PDE4D: variants seen among roughly 807,000 people sequenced by gnomAD.
PDE4D encodes the protein phosphodiesterase 4D.
In PDE4D, 24 loss-of-function variants were observed where a neutral mutation model predicts 87.4. That is an observed-to-expected ratio of 0.27 (90% CI 0.20 to 0.39). PDE4D has a LOEUF of 0.39. PDE4D is among the 10% of genes least tolerant of loss of function. PDE4D has a pLI of 1.00. For synonymous variants in PDE4D, 384 were observed against 383.2 expected (o/e 1.00, Z -0.02); for missense variants, 714 against 1,041.0 (o/e 0.69, Z 4.32).
intron 1 of PDE4D, among the ~76,000 whole-genome samples, chr5:60,378,593 C>T (rs1189126617): frequency 6.6e-6 from 1 of 152,034 alleles, no homozygotes; most frequent in African/African-American, 2.4e-5. Flanking sequence ...GTGGCTCATA[C>T]CTGTAATCCC....
At chr5:59,397,173 A>G (rs1789584598) in intron 1 of PDE4D, among the ~76,000 whole-genome samples, 1 of 117,166 alleles carries the variant, frequency 8.5e-6, no homozygotes, top group South Asian at 3.0e-4. Context: ...CAGATCAACG[A>G]GACAGAAAGT....
chr5:58,974,638 A>C lies in PDE4D; in HGVS notation c.*26T>G, dbSNP rs1322710947. 1 of 1,513,860 alleles carries C rather than the reference A, an allele frequency of 6.6e-7. No individual in the cohort carries two copies. Among genetic ancestry groups the C allele is most frequent in the Admixed American group, 2.2e-5 (1 of 44,884 alleles). 93.8% of individuals were successfully genotyped at this position (1,513,860 alleles called of 1,614,324 possible). A position where few individuals can be genotyped will look rare whatever the true frequency, so the allele number is the denominator to read the frequency against. On this transcript the variant is annotated 3_prime_UTR_variant, in exon 15 of 15. Coordinates refer to ENST00000340635, the MANE Select transcript of PDE4D (RefSeq NM_001104631.2). ...GAAACAATTTTTCTACTTAAAAAAA[A>C]AAAAGGCATGAAAGTTTTTGCACTG...
At chr5:59,159,887 T>C (rs1247499611) in intron 5 of PDE4D, among the ~76,000 whole-genome samples, 1 of 151,832 alleles carries the variant, frequency 6.6e-6, no homozygotes, top group Non-Finnish European at 1.5e-5. Flanking sequence ...CCAGACAATA[T>C]GGGACAGCAG....
chr5:60,476,062 C>G (rs879545894), intron 1 of PDE4D, among the ~76,000 whole-genome samples: 1 of 152,090 alleles, frequency 6.6e-6, no homozygotes, highest in Non-Finnish European at 1.5e-5. Context: ...AGATATAACC[C>G]TAGAGATTTT....
At chr5:60,343,061 A>G (rs1008815885) in intron 1 of PDE4D, among the ~76,000 whole-genome samples, 1 of 152,190 alleles carries the variant, frequency 6.6e-6, no homozygotes, top group Non-Finnish European at 1.5e-5. Flanking sequence ...GCTAAGCTCA[A>G]CTCTAAAGGG....
chr5:59,463,211 C>T (rs1292136067), intron 1 of PDE4D, among the ~76,000 whole-genome samples: 1 of 152,130 alleles, frequency 6.6e-6, no homozygotes, highest in African/African-American at 2.4e-5. Context: ...GATGGAGATG[C>T]ATTCATATCA....
chr5:59,224,186 G>T (rs1753202812), intron 1 of PDE4D, among the ~76,000 whole-genome samples: 1 of 150,724 alleles, frequency 6.6e-6, no homozygotes, highest in African/African-American at 2.4e-5. Flanking sequence ...TGGTGCTGAG[G>T]CAGGAGAATC....
chr5:59,971,124 G>A (rs1250354829), intron 3 of PDE4D, among the ~76,000 whole-genome samples: 4 of 146,592 alleles, frequency 2.7e-5, no homozygotes, highest in Admixed American at 7.0e-5. Flanking sequence ...ACCAAACACC[G>A]CATATTCTCA....
At chr5:59,632,612 T>C (rs909042509) in intron 1 of PDE4D, among the ~76,000 whole-genome samples, 1 of 151,836 alleles carries the variant, frequency 6.6e-6, no homozygotes, top group African/African-American at 2.4e-5. Context: ...GGGTGTGGAG[T>C]GGACCTCCAG....
At chr5:60,419,996 G>C (rs1742950912) in intron 1 of PDE4D, among the ~76,000 whole-genome samples, 1 of 152,160 alleles carries the variant, frequency 6.6e-6, no homozygotes. Flanking sequence ...GCAGAGATTT[G>C]TCCCAGACAT....
chr5:59,778,173 T>A (rs972681849), intron 1 of PDE4D, among the ~76,000 whole-genome samples: 4 of 152,250 alleles, frequency 2.6e-5, no homozygotes, highest in African/African-American at 7.2e-5. Flanking sequence ...CACAGTCTCC[T>A]GGGACTTTCA....
chr5:60,022,568 G>A (rs1766181337), intron 2 of PDE4D: 1 of 152,016 alleles, frequency 6.6e-6, no homozygotes, highest in South Asian at 2.1e-4. Flanking sequence ...AAGTTCTTGA[G>A]AGCATCCCAG....
chr5:59,422,178 CATGA>C (rs1794586104), intron 1 of PDE4D, among the ~76,000 whole-genome samples: 1 of 152,186 alleles, frequency 6.6e-6, no homozygotes, highest in African/African-American at 2.4e-5. Context: ...CTGAGAACCA[CATGA>C]ATGAAGCACT....
intron 3 of PDE4D, among the ~76,000 whole-genome samples, chr5:59,902,336 T>C (rs1012936452): frequency 5.9e-5 from 9 of 152,182 alleles, no homozygotes; most frequent in Non-Finnish European, 5.9e-5. Flanking sequence ...TTTGGTTCAG[T>C]AGGTCTGGGG....
chr5:59,509,368 G>A (rs949111426), intron 1 of PDE4D, among the ~76,000 whole-genome samples: 6 of 150,428 alleles, frequency 4.0e-5, no homozygotes, highest in Non-Finnish European at 7.4e-5. Context: ...CTATTGGAGA[G>A]TCACTAGAGA....
intron 5 of PDE4D, among the ~76,000 whole-genome samples, chr5:59,103,006 G>A (rs1771021149): frequency 6.6e-6 from 1 of 152,164 alleles, no homozygotes; most frequent in East Asian, 1.9e-4. Flanking sequence ...CTCCATATAT[G>A]TCAAAGCAGC....
At chr5:59,875,410 G>A (rs1044056551) in intron 1 of PDE4D, among the ~76,000 whole-genome samples, 2 of 129,994 alleles carry the variant, frequency 1.5e-5, no homozygotes, top group African/African-American at 2.9e-5. Context: ...GCAGTGAGCC[G>A]AGATTGCGCC....
At chr5:59,120,006 G>A (rs75009176) in intron 5 of PDE4D, among the ~76,000 whole-genome samples, 1,802 of 151,946 alleles carry the variant, frequency 0.012, 34 homozygotes, top group African/African-American at 0.041. Flanking sequence ...TACTCTGCTT[G>A]GCTAATTTTT....
intron 4 of PDE4D, among the ~76,000 whole-genome samples, chr5:59,184,479 G>A (rs1283731277): frequency 6.6e-6 from 1 of 151,810 alleles, no homozygotes; most frequent in Non-Finnish European, 1.5e-5. Flanking sequence ...CTCTTAATAT[G>A]ATTTAAATGT....
Sources: gnomAD v4.1 joint callset for allele counts (sites outside exome capture counted in the v4.1 genomes callset) on GRCh38, gnomAD v4.1.1 for gene constraint, MANE v1.5 for transcripts, NCBI Gene and HGNC (gene_info 2026-07-23, HGNC 2026-07-21) for gene names.